The following GBE1 variants were observed in gnomAD, a reference collection of about 807,000 sequenced individuals.
GBE1 encodes the protein 1,4-alpha-glucan-branching enzyme.
Under a neutral mutation model 88.8 loss-of-function variants are expected in GBE1, and 70 were observed. That is an observed-to-expected ratio of 0.79 (90% CI 0.65 to 0.96). GBE1 has a LOEUF of 0.96. Ranked by LOEUF, GBE1 falls within the 40% of genes least tolerant of loss-of-function variation. The probability of loss-of-function intolerance (pLI) is 0.00; values close to 1 mark genes in which losing one functional copy is unlikely to be tolerated. For missense variants in GBE1, 872 were observed against 871.0 expected (o/e 1.00, Z -0.01); for synonymous variants, 284 against 300.1 (o/e 0.95, Z 0.56).
chr3:81,535,301 C>T lies in GBE1; in HGVS notation c.1828G>A (p.Gly610Ser). 1 of 1,609,250 alleles carries T rather than the reference C, an allele frequency of 6.2e-7. No homozygotes were observed. Among genetic ancestry groups the T allele is most frequent in the Non-Finnish European group, 8.5e-7 (1 of 1,177,892 alleles). The part of the protein sequence containing the change: ...PQAYVSEKHE[G>S]NKIIAFERAG... ...CTTTCAAAAGCAATGATCTTATTGC[C>T]TTCATGTTTTTCACTCACGTAGGCC... The change falls in exon 14 of 16, where the codon GGC becomes AGC. Residue 610 changes from glycine to serine, a missense_variant. Physicochemically the swap from Gly to Ser is moderately conservative, Grantham distance 56. Transcript: ENST00000429644.
chr3:81,572,001 T>C (rs1480478248), intron 12 of GBE1, among the ~76,000 whole-genome samples: 1 of 152,180 alleles, frequency 6.6e-6, no homozygotes, highest in Admixed American at 6.5e-5. Flanking sequence ...GTAATTCCCA[T>C]AATCCCCACA....
At chr3:81,748,325 G>A (rs548851160) in intron 1 of GBE1, among the ~76,000 whole-genome samples, 1 of 152,244 alleles carries the variant, frequency 6.6e-6, no homozygotes, top group East Asian at 1.9e-4. Context: ...ATAAAAAATA[G>A]TGAAGGCCGG....
intron 7 of GBE1, among the ~76,000 whole-genome samples, chr3:81,636,746 T>G (rs1291465410): frequency 2.6e-5 from 4 of 152,102 alleles, no homozygotes; most frequent in Non-Finnish European, 5.9e-5. Flanking sequence ...GTCAGGCTGG[T>G]TTTGAACTCC....
chr3:81,687,106 T>C (rs1043260403), intron 2 of GBE1, among the ~76,000 whole-genome samples: 4 of 152,210 alleles, frequency 2.6e-5, no homozygotes, highest in Non-Finnish European at 4.4e-5. Flanking sequence ...GGATCTTTAC[T>C]TTTATAAGCT....
At chr3:81,740,429 A>G (rs973464222) in intron 1 of GBE1, among the ~76,000 whole-genome samples, 12 of 152,050 alleles carry the variant, frequency 7.9e-5, no homozygotes, top group Admixed American at 7.2e-4. Context: ...GCCTTTAAGA[A>G]AAGCCAAAAC....
intron 2 of GBE1, among the ~76,000 whole-genome samples, chr3:81,683,948 CTTA>C (rs1324316377): frequency 1.3e-5 from 2 of 152,042 alleles, no homozygotes; most frequent in Admixed American, 1.3e-4. Context: ...AATGAAGAGT[CTTA>C]TTATGATAGA....
chr3:81,674,201 T>G lies in GBE1; in HGVS notation c.314-3248A>C, dbSNP rs187176915. ...GTGTTTCTTCTTTCCATTAAAAACA[T>G]GGGCACCAACCAGAATATCCACTTC... On this transcript the variant is annotated intron_variant, in intron 2 of 15. Transcript: ENST00000429644. Among the ~76,000 whole-genome samples, 268 of 151,986 alleles carry G rather than the reference T, an allele frequency of 1.8e-3. 1 individual carries two copies. Among genetic ancestry groups the G allele is most frequent in the African/African-American group, 6.1e-3 (255 of 41,548 alleles).
At chr3:81,663,283 G>A (rs894755972) in intron 3 of GBE1, among the ~76,000 whole-genome samples, 2 of 152,146 alleles carry the variant, frequency 1.3e-5, no homozygotes, top group Non-Finnish European at 2.9e-5. Flanking sequence ...AGACCCCAGT[G>A]GGCAGACACA....
At chr3:81,685,404 T>C (rs1705419476) in intron 2 of GBE1, among the ~76,000 whole-genome samples, 1 of 151,646 alleles carries the variant, frequency 6.6e-6, no homozygotes, top group Non-Finnish European at 1.5e-5. Flanking sequence ...TGTTGTCTTC[T>C]GTTTGTTTGT....
At chr3:81,636,397 G>A (rs997393903) in intron 7 of GBE1, among the ~76,000 whole-genome samples, 7 of 152,158 alleles carry the variant, frequency 4.6e-5, no homozygotes, top group Non-Finnish European at 1.0e-4. Context: ...AACATACTGT[G>A]AGATTATAAT....
intron 9 of GBE1, among the ~76,000 whole-genome samples, chr3:81,589,714 T>C (rs1703850940): frequency 6.6e-6 from 1 of 152,072 alleles, no homozygotes; most frequent in Non-Finnish European, 1.5e-5. Flanking sequence ...CACTTTTGAT[T>C]TGTGCTGTCA....
intron 2 of GBE1, among the ~76,000 whole-genome samples, chr3:81,688,671 T>C (rs910549817): frequency 3.3e-5 from 5 of 152,074 alleles, no homozygotes; most frequent in African/African-American, 1.2e-4. Flanking sequence ...GTGGTTCCTT[T>C]TGTTAATCTT....
intron 12 of GBE1, among the ~76,000 whole-genome samples, chr3:81,537,532 C>A (rs1703093786): frequency 6.6e-6 from 1 of 151,990 alleles, no homozygotes; most frequent in African/African-American, 2.4e-5. Flanking sequence ...AAGGAACTCT[C>A]TATTATATTC....
intron 3 of GBE1, among the ~76,000 whole-genome samples, chr3:81,661,247 A>G (rs1311689928): frequency 6.6e-6 from 1 of 152,192 alleles, no homozygotes; most frequent in Non-Finnish European, 1.5e-5. Flanking sequence ...AAAATACAAC[A>G]TATTTCACAG....
chr3:81,545,980 C>T (rs1703200608), intron 12 of GBE1, among the ~76,000 whole-genome samples: 1 of 151,960 alleles, frequency 6.6e-6, no homozygotes, highest in East Asian at 1.9e-4. Context: ...TGAATGGCTC[C>T]AAAGCACAAG....
In GBE1 at chr3:81,733,648, T is replaced by C. The variant is rs549797164; in HGVS notation, c.143+27727A>G. Among the ~76,000 whole-genome samples, 7 of 152,176 alleles carry C rather than the reference T, an allele frequency of 4.6e-5. No homozygotes were observed. Among genetic ancestry groups the C allele is most frequent in the Non-Finnish European group, 7.3e-5 (5 of 68,030 alleles). On this transcript the variant is annotated intron_variant, in intron 1 of 15. Coordinates refer to ENST00000429644, the MANE Select transcript of GBE1 (RefSeq NM_000158.4). The surrounding 1 kb of genome is among the most constrained non-coding windows in gnomAD (Gnocchi z 4.0). ...CAAATGTCAGCTTCTCAATAGTTCC[T>C]AACCTGAAATACGCCTATTTAAAAC... is the stretch of plus-strand genomic sequence containing the variant.
chr3:81,608,572 C>T (rs998593567), intron 7 of GBE1, among the ~76,000 whole-genome samples: 2 of 152,092 alleles, frequency 1.3e-5, no homozygotes, highest in African/African-American at 4.8e-5. Context: ...TCATTGTGAA[C>T]ACTTCCCACA....
In GBE1 at chr3:81,537,093, T is replaced by C. The variant is rs1703086906; in HGVS notation, c.1621A>G (p.Asn541Asp). The C allele has an allele frequency of 3.3e-6, 5 of 1,506,426 alleles. No homozygotes were observed. Among genetic ancestry groups the C allele is most frequent in the Admixed American group, 2.5e-5 (1 of 40,074 alleles). 93.3% of individuals were successfully genotyped at this position (1,506,426 alleles called of 1,614,324 possible). The change falls in exon 13 of 16, where the codon AAT becomes GAT. Residue 541 changes from asparagine (N) to aspartate (D), a missense_variant and splice_region_variant. By Grantham distance (23) the Asn-to-Asp change is conservative. Transcript: ENST00000429644. ...AACCATTCAGGATGCCCAAATTCAT[T>C]ACCTGCATTACAAAACACATGCAAA... is the stretch of plus-strand genomic sequence containing the variant. ...GGEGYLNFMG[N>D]EFGHPEWLDF...
At chr3:81,588,923 AGTC>A (rs1379316481) in intron 9 of GBE1, among the ~76,000 whole-genome samples, 1 of 152,122 alleles carries the variant, frequency 6.6e-6, no homozygotes, top group Non-Finnish European at 1.5e-5. Context: ...ACAATCATAT[AGTC>A]TTGACTCCTA....
Sources: allele counts gnomAD v4.1 joint callset (sites outside exome capture counted in the v4.1 genomes callset), GRCh38; gene constraint gnomAD v4.1.1; non-coding constraint Gnocchi (gnomAD v3.1); transcripts MANE v1.5; gene names NCBI Gene and HGNC (gene_info 2026-07-23, HGNC 2026-07-21).